Variants in GOPC observed in about 807,000 individuals in gnomAD.
The protein encoded by GOPC is golgi associated PDZ and coiled-coil motif containing, also known as Golgi-associated PDZ and coiled-coil motif-containing protein.
GOPC carries 32 observed loss-of-function variants against 51.2 expected under a neutral mutation model. The ratio of observed to expected loss-of-function variants is 0.63; its 90% confidence interval spans 0.47 to 0.84. The LOEUF is 0.84. GOPC is among the 40% of genes least tolerant of loss of function. The probability of loss-of-function intolerance (pLI) is 0.00; values close to 1 mark genes in which losing one functional copy is unlikely to be tolerated. For missense variants in GOPC, 441 were observed against 555.5 expected, an observed-to-expected ratio of 0.79 and a Z score of 2.07; for synonymous variants, 190 against 205.1, an observed-to-expected ratio of 0.93 and a Z score of 0.63.
In GOPC at chr6:117,561,105, C is replaced by T. The variant is rs1583045168; in HGVS notation, c.*2149G>A. The T allele has an allele frequency of 8.9e-6, 2 of 223,538 alleles. No individual in the cohort carries two copies. Among genetic ancestry groups the T allele is most frequent in the East Asian group, 1.3e-4 (2 of 15,448 alleles). 13.8% of individuals were successfully genotyped at this position (223,538 alleles called of 1,614,324 possible). A position where few individuals can be genotyped will look rare whatever the true frequency, so the allele number is the denominator to read the frequency against. Reference sequence around the variant, plus strand: ...TGCTCTCCCGTAGGCTTATAAACCACAGTGAAGCAGGAATGAAAAGGAAAC... The same window carrying T: ...TGCTCTCCCGTAGGCTTATAAACCATAGTGAAGCAGGAATGAAAAGGAAAC... On this transcript the variant is annotated 3_prime_UTR_variant, in exon 9 of 9. Coordinates refer to ENST00000368498, the MANE Select transcript of GOPC (RefSeq NM_020399.4).
At chr6:117,578,569 G>A (rs1779915656) in intron 2 of GOPC, among the ~76,000 whole-genome samples, 1 of 151,910 alleles carries the variant, frequency 6.6e-6, no homozygotes, top group South Asian at 2.1e-4. Flanking sequence ...AATGTTACTT[G>A]GGATTTCTGT....
At chr6:117,592,340 A>T (rs1780131114) in intron 1 of GOPC, among the ~76,000 whole-genome samples, 1 of 152,216 alleles carries the variant, frequency 6.6e-6, no homozygotes, top group Non-Finnish European at 1.5e-5. Context: ...GCACTCCAGC[A>T]TGGGCAACAG....
intron 1 of GOPC, 100 bp downstream of exon 1, chr6:117,601,904 G>A (rs2114634471): frequency 2.3e-6 from 3 of 1,300,332 alleles, no homozygotes; most frequent in Admixed American, 4.5e-5. Context: ...AGCCCCGGTG[G>A]GCAGTTTTCT....
chr6:117,585,794 T>G (rs1780021937), intron 1 of GOPC, among the ~76,000 whole-genome samples: 1 of 152,174 alleles, frequency 6.6e-6, no homozygotes, highest in Non-Finnish European at 1.5e-5. Context: ...CTGGTACTTG[T>G]GAGCATACAC....
chr6:117,563,136 G>A lies in GOPC; in HGVS notation c.*118C>T, dbSNP rs186099063. Reference sequence around the variant, plus strand: ...GTTCACATGAAGCCCTGAGGTACCCGCCTTTCATTTAGGCAACAAACAGCC... The same window carrying A: ...GTTCACATGAAGCCCTGAGGTACCCACCTTTCATTTAGGCAACAAACAGCC... On this transcript the variant is annotated 3_prime_UTR_variant, in exon 9 of 9. Coordinates refer to ENST00000368498, the MANE Select transcript of GOPC (RefSeq NM_020399.4). 2.6e-5 allele frequency: 23 copies of A among 871,100 alleles called. No individual in the cohort carries two copies. The East Asian group carries it at 3.9e-4, about 15-fold the overall frequency. The allele number at this position is 871,100 out of a possible 1,614,324, so 54.0% of individuals were successfully genotyped here. A position where few individuals can be genotyped will look rare whatever the true frequency, so the allele number is the denominator to read the frequency against.
At chr6:117,592,188 G>A (rs1780128559) in intron 1 of GOPC, among the ~76,000 whole-genome samples, 1 of 152,136 alleles carries the variant, frequency 6.6e-6, no homozygotes, top group Non-Finnish European at 1.5e-5. Flanking sequence ...CCAACATGGT[G>A]AAACCTTGTC....
At chr6:117,563,834 A>C (rs1321958351) in intron 8 of GOPC, among the ~76,000 whole-genome samples, 1 of 152,152 alleles carries the variant, frequency 6.6e-6, no homozygotes, top group East Asian at 1.9e-4. Flanking sequence ...ATAATGCCTT[A>C]TATTAATCAA....
intron 1 of GOPC, among the ~76,000 whole-genome samples, chr6:117,590,859 G>GT (rs1470362603): frequency 6.6e-6 from 1 of 151,874 alleles, no homozygotes; most frequent in African/African-American, 2.4e-5. Context: ...GTTTTGTTTT[G>GT]TTTTGTTTTT....
At chr6:117,581,546 A>G (rs1779959453) in intron 1 of GOPC, among the ~76,000 whole-genome samples, 1 of 151,916 alleles carries the variant, frequency 6.6e-6, no homozygotes, top group Admixed American at 6.6e-5. Flanking sequence ...TTCATCCACA[A>G]AGGTAACCAT....
rs186317121 is a variant in GOPC, at chr6:117,592,105, G to A, written c.285+9899C>T. Among the ~76,000 whole-genome samples the A allele has an allele frequency of 3.4e-3, 518 of 152,318 alleles. 3 individuals are homozygous for A. The highest frequency in any genetic ancestry group is 0.012 in the African/African-American group (495 of 41,568). Reference sequence around the variant, plus strand: ...CACAAGGCTGGGCACGGTGGCTCACGCCTGTAATCCCAGCACTTTGGGAGG... The same window carrying A: ...CACAAGGCTGGGCACGGTGGCTCACACCTGTAATCCCAGCACTTTGGGAGG... On this transcript the variant is annotated intron_variant, in intron 1 of 8. Transcript: ENST00000368498.
Position 117,560,361 on chromosome 6 carries a change from A to C in GOPC, c.*2893T>G, listed in dbSNP as rs1342320083. On this transcript the variant is annotated 3_prime_UTR_variant, in exon 9 of 9. Transcript: ENST00000368498. ...GCCATCTTTATTTACAGGCTAATAA[A>C]AAAATATTAAACTCAACTAGATATA... 5.5e-6 allele frequency: 1 copy of C among 181,762 alleles called. No homozygotes were observed. Among genetic ancestry groups the C allele is most frequent in the African/African-American group, 2.4e-5 (1 of 42,478 alleles). 11.3% of individuals were successfully genotyped at this position (181,762 alleles called of 1,614,324 possible).
At chr6:117,575,553 T>C (rs768750672) in intron 3 of GOPC, 2 of 747,630 alleles carry the variant, frequency 2.7e-6, no homozygotes, top group South Asian at 2.7e-5. Flanking sequence ...TTGCACGCCA[T>C]GGGTTACCCT....
At chr6:117,581,562 T>A (rs1779959801) in intron 1 of GOPC, among the ~76,000 whole-genome samples, 1 of 152,042 alleles carries the variant, frequency 6.6e-6, no homozygotes, top group African/African-American at 2.4e-5. Flanking sequence ...ACCATCAGAG[T>A]ATACACTGAC....
chr6:117,594,221 G>A (rs1474547478), intron 1 of GOPC, among the ~76,000 whole-genome samples: 3 of 151,996 alleles, frequency 2.0e-5, no homozygotes, highest in Non-Finnish European at 1.5e-5. Context: ...ACTATCTCTC[G>A]AATCTTCAAA....
rs748961390 is a variant in GOPC at position 117,573,585 on chromosome 6, T to C, written c.698A>G (p.His233Arg). The change falls in exon 5 of 9, where the codon CAT (histidine) becomes CGT (arginine). Residue 233 changes from histidine to arginine, a missense_variant. His to Arg is a conservative substitution (Grantham distance 29). Coordinates refer to ENST00000368498, the MANE Select transcript of GOPC (RefSeq NM_020399.4). ...TTCTAATTGGTTCCAAAGCTTATCA[T>C]GAGCAGGTCCCTTCATATCTCGTCC... ...LLGRDMKGPA[H>R]DKLWNQLEAE... 1 of 1,614,022 alleles carries C rather than the reference T, an allele frequency of 6.2e-7. No homozygotes were observed. Among genetic ancestry groups the C allele is most frequent in the South Asian group, 1.1e-5 (1 of 91,060 alleles).
intron 6 of GOPC, 163 bp from the exon 7 acceptor site, chr6:117,569,899 AATT>A (rs1420021793): frequency 9.0e-6 from 7 of 778,960 alleles, no homozygotes; most frequent in African/African-American, 3.7e-5. Context: ...TAATGGTAAA[AATT>A]ATCAGAGTAT....
intron 2 of GOPC, among the ~76,000 whole-genome samples, chr6:117,577,676 A>G (rs1779902190): frequency 2.0e-5 from 3 of 152,228 alleles, no homozygotes; most frequent in South Asian, 4.1e-4. Flanking sequence ...AAATTAGTCA[A>G]CATAACTGGT....
chr6:117,602,078 T>G lies in GOPC; in HGVS notation c.211A>C (p.Thr71Pro). The change falls in exon 1 of 9, where the codon ACC becomes CCC. Residue 71 changes from threonine to proline, a missense_variant. Thr to Pro is a conservative substitution (Grantham distance 38). Around this residue, in one of 3 missense-constraint regions of GOPC, gnomAD observed 204 missense variants for 219.8 expected, o/e 0.93. Coordinates refer to ENST00000368498, the MANE Select transcript of GOPC (RefSeq NM_020399.4). ...TGTGCAAAGCAGGAGCTCAGGCTGGTCATCTTCTGTCGCCCCTCATAAGTG... is the reference window on the plus strand; with the variant it reads ...TGTGCAAAGCAGGAGCTCAGGCTGGGCATCTTCTGTCGCCCCTCATAAGTG... Reference protein sequence around the residue: ...DITYEGRQKMTSLSSCFAQLC... With the variant: ...DITYEGRQKMPSLSSCFAQLC... The G allele has an allele frequency of 6.2e-7, 1 of 1,614,092 alleles. No individual in the cohort carries two copies. The highest frequency in any genetic ancestry group is 8.5e-7 in the Non-Finnish European group (1 of 1,180,018).
At position 117,562,586 on chromosome 6, in the gene GOPC, T is replaced by TCA. The variant is rs1779606945; in HGVS notation, c.*667_*668insTG. On this transcript the variant is annotated 3_prime_UTR_variant, in exon 9 of 9. Coordinates refer to ENST00000368498, the MANE Select transcript of GOPC (RefSeq NM_020399.4). ...TAAAAAACAAAAAAAGTAAAATGTT[T>TCA]AGTAACTTTTGAGAATCTATTTCTA... is the stretch of plus-strand genomic sequence containing the variant. 1 of 202,274 alleles carries TCA rather than the reference T, an allele frequency of 4.9e-6. No individual in the cohort carries two copies. The highest frequency in any genetic ancestry group is 2.3e-5 in the African/African-American group (1 of 43,660). 12.5% of individuals were successfully genotyped at this position (202,274 alleles called of 1,614,324 possible).
Sources: allele counts gnomAD v4.1 joint callset (sites outside exome capture counted in the v4.1 genomes callset), GRCh38; gene constraint gnomAD v4.1.1; regional missense constraint gnomAD v4.1.1; transcripts MANE v1.5; gene names NCBI Gene and HGNC (gene_info 2026-07-23, HGNC 2026-07-21).